Variants in HDAC9 observed in about 807,000 individuals in gnomAD.
HDAC9 encodes the protein histone deacetylase 9.
A neutral mutation model predicts 139.4 loss-of-function variants in HDAC9; 41 were observed. The observed-to-expected ratio is 0.29, with a 90% CI of 0.23 to 0.38. HDAC9 has a LOEUF of 0.38. Among genes scored for constraint, HDAC9 ranks in the 10% least tolerant of loss-of-function variants. The pLI is 1.00. For synonymous variants in HDAC9, 517 were observed against 476.2 expected (o/e 1.09, Z -1.12); for missense variants, 1,147 against 1,297.0 (o/e 0.88, Z 1.78).
chr7:18,133,831 A>C (rs1411176210), intron 1 of HDAC9, among the ~76,000 whole-genome samples: 3 of 152,076 alleles, frequency 2.0e-5, no homozygotes, highest in Non-Finnish European at 4.4e-5. Flanking sequence ...GGAAGCATGC[A>C]ACATTTCCAT....
At chr7:18,955,988 C>T (rs1230831037) in intron 24 of HDAC9, among the ~76,000 whole-genome samples, 1 of 152,078 alleles carries the variant, frequency 6.6e-6, no homozygotes, top group African/African-American at 2.4e-5. Context: ...ATCTAATTTC[C>T]TAGTAATGAT....
At chr7:18,845,545 G>T (rs1480744087) in intron 21 of HDAC9, among the ~76,000 whole-genome samples, 2 of 152,062 alleles carry the variant, frequency 1.3e-5, no homozygotes, top group Non-Finnish European at 2.9e-5. Flanking sequence ...TTTATGTATT[G>T]TTTAATTGTT....
intron 2 of HDAC9, among the ~76,000 whole-genome samples, chr7:18,541,479 C>T (rs923735668): frequency 6.6e-6 from 1 of 152,100 alleles, no homozygotes; most frequent in African/African-American, 2.4e-5. Context: ...GCTCAACTGT[C>T]TCTCTAATAC....
intron 19 of HDAC9, among the ~76,000 whole-genome samples, chr7:18,831,112 G>A (rs529738380): frequency 2.0e-5 from 3 of 152,136 alleles, no homozygotes. Context: ...AAGGTGATTG[G>A]TCAACAGTTT....
chr7:18,711,200 C>A (rs1784320156), intron 12 of HDAC9, among the ~76,000 whole-genome samples: 1 of 152,174 alleles, frequency 6.6e-6, no homozygotes, highest in South Asian at 2.1e-4. Flanking sequence ...AATTAAGTAA[C>A]TTATCTGTCA....
At chr7:18,424,728 G>C (rs1789952353) in intron 1 of HDAC9, among the ~76,000 whole-genome samples, 1 of 152,114 alleles carries the variant, frequency 6.6e-6, no homozygotes, top group African/African-American at 2.4e-5. Context: ...GGCCAACCTG[G>C]TGAAACCCTG....
chr7:18,585,554 T>A (rs1431015862), intron 3 of HDAC9, 32 bp downstream of exon 3: 1 of 1,607,716 alleles, frequency 6.2e-7, no homozygotes, highest in South Asian at 1.1e-5. Context: ...GTGACCTTAC[T>A]CAGGAGTCTG....
chr7:18,091,491 T>C (rs568578111), intron 1 of HDAC9, among the ~76,000 whole-genome samples: 31 of 152,364 alleles, frequency 2.0e-4, no homozygotes, highest in African/African-American at 7.0e-4. Context: ...GGATAGTCTG[T>C]GTGTCACTCA....
chr7:18,296,539 C>T (rs528315973), intron 1 of HDAC9, among the ~76,000 whole-genome samples: 1 of 152,088 alleles, frequency 6.6e-6, no homozygotes, highest in African/African-American at 2.4e-5. Context: ...CCCTCTTGGC[C>T]AAGGAGAAAC....
intron 13 of HDAC9, among the ~76,000 whole-genome samples, chr7:18,728,096 T>C (rs1321890972): frequency 3.3e-5 from 5 of 152,208 alleles, no homozygotes; most frequent in Non-Finnish European, 5.9e-5. Flanking sequence ...AGGAAATTGA[T>C]GATGCTTGGC....
chr7:18,709,553 A>G (rs931898122), intron 12 of HDAC9, among the ~76,000 whole-genome samples: 3 of 152,114 alleles, frequency 2.0e-5, no homozygotes, highest in Non-Finnish European at 2.9e-5. Context: ...ATTTAGAAAC[A>G]TATCTCAGAG....
At chr7:18,175,713 G>A (rs1401842172) in intron 2 of HDAC9, among the ~76,000 whole-genome samples, 3 of 148,618 alleles carry the variant, frequency 2.0e-5, no homozygotes, top group Non-Finnish European at 3.0e-5. Context: ...AAAAAATATT[G>A]TATTGATTTA....
At chr7:18,615,312 G>T (rs188807218) in intron 6 of HDAC9, among the ~76,000 whole-genome samples, 1 of 151,940 alleles carries the variant, frequency 6.6e-6, no homozygotes, top group Non-Finnish European at 1.5e-5. Flanking sequence ...TTAGAAATAG[G>T]CCTATCACAG....
chr7:18,421,270 C>T (rs1044344486), intron 1 of HDAC9, among the ~76,000 whole-genome samples: 3 of 151,048 alleles, frequency 2.0e-5, no homozygotes, highest in Admixed American at 2.0e-4. Flanking sequence ...AGGTAAATTT[C>T]AAAACACTTC....
chr7:18,968,698 G>A (rs889764573), intron 24 of HDAC9, among the ~76,000 whole-genome samples: 1 of 152,084 alleles, frequency 6.6e-6, no homozygotes, highest in African/African-American at 2.4e-5. Flanking sequence ...AGTGGCTCAC[G>A]CCTGTAATCC....
chr7:18,522,610 CA>C (rs1457841532), intron 2 of HDAC9, among the ~76,000 whole-genome samples: 2 of 139,086 alleles, frequency 1.4e-5, no homozygotes, highest in African/African-American at 5.3e-5. Context: ...AAACAAAAAA[CA>C]AAAAACAAAA....
chr7:18,805,674 C>T lies in HDAC9; in HGVS notation c.2322+12222C>T, dbSNP rs141268048. Among the ~76,000 whole-genome samples the T allele has an allele frequency of 7.6e-3, 1,152 of 152,286 alleles. 11 individuals carry two copies. The highest frequency in any genetic ancestry group is 8.6e-3 in the Non-Finnish European group (586 of 68,024). ...GCAAGGTCAGCCAGTGAGTGCATGACGCATCTCAGTGAACTTAGCAGATAC... is the reference window on the plus strand; with the variant it reads ...GCAAGGTCAGCCAGTGAGTGCATGATGCATCTCAGTGAACTTAGCAGATAC... On this transcript the variant is annotated intron_variant, in intron 17 of 25. Transcript: ENST00000686413.
At chr7:18,565,497 T>C (rs986282167) in intron 2 of HDAC9, among the ~76,000 whole-genome samples, 2 of 152,154 alleles carry the variant, frequency 1.3e-5, no homozygotes, top group Admixed American at 6.5e-5. Context: ...CCATTGTTAG[T>C]TGGGCCAGCA....
chr7:18,403,569 G>A (rs1787740701), intron 1 of HDAC9, among the ~76,000 whole-genome samples: 1 of 152,124 alleles, frequency 6.6e-6, no homozygotes. Context: ...ATGTATATTT[G>A]TGAGAATGAA....
Sources: gnomAD v4.1 joint callset for allele counts (sites outside exome capture counted in the v4.1 genomes callset) on GRCh38, gnomAD v4.1.1 for gene constraint, MANE v1.5 for transcripts, NCBI Gene and HGNC (gene_info 2026-07-23, HGNC 2026-07-21) for gene names.